The following GABRG3 variants were observed in gnomAD, a reference collection of about 807,000 sequenced individuals.
GABRG3 encodes gamma-aminobutyric acid receptor subunit gamma-3.
In GABRG3, 25 loss-of-function variants were observed where a neutral mutation model predicts 48.8. That is an observed-to-expected ratio of 0.51 (90% CI 0.37 to 0.72). The LOEUF is 0.72. Ranked by LOEUF, GABRG3 falls within the 30% of genes least tolerant of loss-of-function variation. GABRG3 has a pLI of 0.00. For synonymous variants in GABRG3, 227 were observed against 217.6 expected, an observed-to-expected ratio of 1.04 and a Z score of -0.38; for missense variants, 394 against 577.9, an observed-to-expected ratio of 0.68 and a Z score of 3.26.
rs561934810 is a variant in GABRG3, at chr15:27,227,067, G to A, written c.271-99742G>A. ...ACATGAGGTGCATAAACAGCCAGCC[G>A]CCTGTAAGGTGAGGTCTCTAAGTGT... On this transcript the variant is annotated intron_variant, in intron 3 of 9. Coordinates refer to ENST00000615808, the MANE Select transcript of GABRG3 (RefSeq NM_033223.5). Among the ~76,000 whole-genome samples, 24 of 152,320 alleles carry A rather than the reference G, an allele frequency of 1.6e-4. No individual in the cohort carries two copies. The East Asian group carries it at 3.9e-3, about 24-fold the overall frequency.
chr15:27,039,785 G>T (rs1446639105), intron 3 of GABRG3, among the ~76,000 whole-genome samples: 2 of 152,188 alleles, frequency 1.3e-5, no homozygotes, highest in African/African-American at 4.8e-5. Flanking sequence ...GACCCTGTCG[G>T]TGTGCAGGAG....
intron 6 of GABRG3, among the ~76,000 whole-genome samples, chr15:27,508,057 A>C (rs1471914128): frequency 1.3e-5 from 2 of 152,216 alleles, no homozygotes; most frequent in Non-Finnish European, 2.9e-5. Flanking sequence ...CTTTATACTT[A>C]AAGTGGCTTT....
At chr15:27,446,662 T>C (rs918951774) in intron 5 of GABRG3, among the ~76,000 whole-genome samples, 1 of 152,204 alleles carries the variant, frequency 6.6e-6, no homozygotes. Context: ...GGAATTGTTT[T>C]CTTAATTTTA....
intron 5 of GABRG3, among the ~76,000 whole-genome samples, chr15:27,436,175 G>C (rs1204083066): frequency 1.3e-5 from 2 of 152,164 alleles, no homozygotes; most frequent in Non-Finnish European, 1.5e-5. Flanking sequence ...CAAGATCAAG[G>C]CACTAGCAGA....
chr15:27,377,389 T>G (rs1411643661), intron 5 of GABRG3, among the ~76,000 whole-genome samples: 1 of 152,114 alleles, frequency 6.6e-6, no homozygotes, highest in Non-Finnish European at 1.5e-5. Context: ...TGGTACCAAT[T>G]TACTGTTTAG....
intron 3 of GABRG3, among the ~76,000 whole-genome samples, chr15:27,124,849 A>C (rs556591700): frequency 5.3e-5 from 8 of 152,302 alleles, no homozygotes; most frequent in African/African-American, 1.9e-4. Flanking sequence ...ATAGACTTTG[A>C]AAGCTTGCCC....
intron 3 of GABRG3, among the ~76,000 whole-genome samples, chr15:27,313,241 T>G (rs1265719946): frequency 8.5e-5 from 3 of 35,498 alleles, no homozygotes; most frequent in Non-Finnish European, 1.6e-4. Context: ...TATGTATATA[T>G]GTGTGTGTGT....
intron 5 of GABRG3, among the ~76,000 whole-genome samples, chr15:27,385,397 G>A (rs1048883255): frequency 1.3e-5 from 2 of 151,414 alleles, no homozygotes; most frequent in South Asian, 2.1e-4. Flanking sequence ...TATTGGACAT[G>A]TAGATGGAGG....
At chr15:27,443,293 G>T (rs567717964) in intron 5 of GABRG3, among the ~76,000 whole-genome samples, 1 of 152,284 alleles carries the variant, frequency 6.6e-6, no homozygotes, top group Admixed American at 6.5e-5. Context: ...AATTTGCAAA[G>T]AATTGAGAAT....
chr15:27,341,255 T>C (rs1017018232), intron 5 of GABRG3, among the ~76,000 whole-genome samples: 6 of 152,210 alleles, frequency 3.9e-5, no homozygotes, highest in African/African-American at 1.2e-4. Flanking sequence ...ATGTTTTTTC[T>C]TTTTTGCCCT....
At chr15:27,119,116 G>C (rs1439922827) in intron 3 of GABRG3, among the ~76,000 whole-genome samples, 1 of 152,078 alleles carries the variant, frequency 6.6e-6, no homozygotes, top group Admixed American at 6.5e-5. Flanking sequence ...ATGAAATGTG[G>C]AGACACCAAG....
At chr15:27,290,114 G>T (rs571346804) in intron 3 of GABRG3, among the ~76,000 whole-genome samples, 7 of 152,210 alleles carry the variant, frequency 4.6e-5, no homozygotes, top group Admixed American at 3.3e-4. Context: ...TGCACTGATG[G>T]AGGTATGTCG....
At chr15:27,032,486 A>G (rs1896102888) in intron 3 of GABRG3, among the ~76,000 whole-genome samples, 1 of 152,226 alleles carries the variant, frequency 6.6e-6, no homozygotes. Context: ...TGGCACCAGC[A>G]TCTGCTTCTG....
chr15:27,397,307 T>C (rs1296533594), intron 5 of GABRG3, among the ~76,000 whole-genome samples: 1 of 151,546 alleles, frequency 6.6e-6, no homozygotes, highest in Admixed American at 6.6e-5. Flanking sequence ...ACAATCCTGA[T>C]ACATAGGGAA....
chr15:27,482,466 T>A (rs71465239), intron 6 of GABRG3, among the ~76,000 whole-genome samples: 6,346 of 129,586 alleles, frequency 0.049, 244 homozygotes, highest in East Asian at 0.2. Context: ...CACCATTGCT[T>A]GCTAAATGAT....
chr15:27,395,154 G>A (rs1403407511), intron 5 of GABRG3, among the ~76,000 whole-genome samples: 3 of 152,030 alleles, frequency 2.0e-5, no homozygotes, highest in African/African-American at 7.2e-5. Context: ...CTTATTCTTT[G>A]TATCTGTTTC....
At chr15:26,977,915 G>T (rs1222471491) in intron 2 of GABRG3, among the ~76,000 whole-genome samples, 1 of 152,170 alleles carries the variant, frequency 6.6e-6, no homozygotes, top group Admixed American at 6.5e-5. Flanking sequence ...TTCCAAAGTG[G>T]ATACACTATT....
At chr15:27,044,787 T>C (rs1896334426) in intron 3 of GABRG3, among the ~76,000 whole-genome samples, 1 of 152,214 alleles carries the variant, frequency 6.6e-6, no homozygotes. Flanking sequence ...TGCCACTCAG[T>C]GTGGCCTTAT....
At chr15:27,018,324 C>A (rs1895816156) in intron 2 of GABRG3, among the ~76,000 whole-genome samples, 1 of 152,170 alleles carries the variant, frequency 6.6e-6, no homozygotes, top group Admixed American at 6.5e-5. Context: ...CGAGTACCTA[C>A]CCATCAGAGC....
Sources: allele counts gnomAD v4.1 joint callset (sites outside exome capture counted in the v4.1 genomes callset), GRCh38; gene constraint gnomAD v4.1.1; transcripts MANE v1.5; gene names NCBI Gene and HGNC (gene_info 2026-07-23, HGNC 2026-07-21).